The following STARD13 variants were observed in gnomAD, a reference collection of about 807,000 sequenced individuals.
The protein encoded by STARD13 is stAR-related lipid transfer protein 13.
STARD13 carries 62 observed loss-of-function variants against 106.4 expected under a neutral mutation model. The ratio of observed to expected loss-of-function variants is 0.58; its 90% CI spans 0.48 to 0.72. The LOEUF (loss-of-function observed/expected upper bound fraction) is 0.72. Among genes scored for constraint, STARD13 ranks in the 30% least tolerant of loss-of-function variants. The pLI is 0.00. For synonymous variants in STARD13, 565 were observed against 553.0 expected, an observed-to-expected ratio of 1.02 and a Z score of -0.31; for missense variants, 1,387 against 1,424.0, an observed-to-expected ratio of 0.97 and a Z score of 0.42.
intron 1 of STARD13, among the ~76,000 whole-genome samples, chr13:33,186,988 G>GATGT (rs1885825430): frequency 6.6e-6 from 1 of 152,144 alleles, no homozygotes; most frequent in South Asian, 2.1e-4. Context: ...TACCACTAAT[G>GATGT]CTGATGTCAT....
chr13:33,621,071 T>G, the STARD13 span, among the ~76,000 whole-genome samples: 1 of 151,558 alleles, frequency 6.6e-6, no homozygotes, highest in Non-Finnish European at 1.5e-5. Context: ...TCTTAAGAAG[T>G]AGAAAAAGAA....
chr13:33,240,406 C>A (rs78239872), intron 1 of STARD13, among the ~76,000 whole-genome samples: 3,414 of 152,156 alleles, frequency 0.022, 115 homozygotes, highest in African/African-American at 0.074. Context: ...ATTTTTTCTA[C>A]TTCTGCAAAA....
At chr13:33,259,876 G>C (rs74045767) in intron 1 of STARD13, among the ~76,000 whole-genome samples, 29,297 of 151,584 alleles carry the variant, frequency 0.19, 3,188 homozygotes, top group African/African-American at 0.27. Flanking sequence ...TGTCATGGGA[G>C]GGACCTGCTA....
the STARD13 span, among the ~76,000 whole-genome samples, chr13:33,640,895 G>T: frequency 1.3e-5 from 2 of 152,206 alleles, no homozygotes; most frequent in South Asian, 4.1e-4. Flanking sequence ...AAGTTCAAAG[G>T]TCACTGATAT....
chr13:33,122,343 G>A (rs558857338), intron 7 of STARD13, among the ~76,000 whole-genome samples: 6 of 152,332 alleles, frequency 3.9e-5, no homozygotes, highest in East Asian at 3.9e-4. Flanking sequence ...CCTCAGCTTC[G>A]TTATGAGGAA....
the STARD13 span, among the ~76,000 whole-genome samples, chr13:33,441,286 T>C: frequency 6.6e-6 from 1 of 152,226 alleles, no homozygotes; most frequent in East Asian, 1.9e-4. Flanking sequence ...CTTAGTCCGA[T>C]TCTAGTCTTA....
At chr13:33,396,380 G>C in the STARD13 span, among the ~76,000 whole-genome samples, 10 of 152,126 alleles carry the variant, frequency 6.6e-5, no homozygotes, top group East Asian at 1.4e-3. Flanking sequence ...TTCCTCAAAG[G>C]TTTAAAAATA....
At chr13:33,657,189 G>A in the STARD13 span, among the ~76,000 whole-genome samples, 2 of 152,198 alleles carry the variant, frequency 1.3e-5, no homozygotes, top group African/African-American at 4.8e-5. Flanking sequence ...AGAATGGTGT[G>A]AACCCGGGAG....
At chr13:33,257,772 C>A (rs1338762712) in intron 1 of STARD13, among the ~76,000 whole-genome samples, 1 of 152,104 alleles carries the variant, frequency 6.6e-6, no homozygotes, top group African/African-American at 2.4e-5. Context: ...TTAGTATTAC[C>A]AGCCTTTTCA....
chr13:33,499,571 T>TTCC, the STARD13 span, among the ~76,000 whole-genome samples: 4 of 67,726 alleles, frequency 5.9e-5, no homozygotes, highest in Admixed American at 6.8e-4. Flanking sequence ...CTTCTTCTTC[T>TTCC]TCTTCTTCTT....
intron 1 of STARD13, among the ~76,000 whole-genome samples, chr13:33,314,206 G>A (rs1893246825): frequency 6.6e-6 from 1 of 152,162 alleles, no homozygotes; most frequent in South Asian, 2.1e-4. Flanking sequence ...TATGGTAGCT[G>A]TCAGGCCAAG....
At chr13:33,406,738 C>T in the STARD13 span, among the ~76,000 whole-genome samples, 2 of 152,130 alleles carry the variant, frequency 1.3e-5, no homozygotes, top group Non-Finnish European at 2.9e-5. Context: ...AAATAACCAA[C>T]AAAAGCACAA....
At chr13:33,496,123 A>G in the STARD13 span, among the ~76,000 whole-genome samples, 1 of 138,746 alleles carries the variant, frequency 7.2e-6, no homozygotes, top group African/African-American at 2.5e-5. Flanking sequence ...TTTTATTTTT[A>G]TAATATATTT....
At chr13:33,139,501 G>A (rs1005226789) in intron 4 of STARD13, among the ~76,000 whole-genome samples, 1 of 152,214 alleles carries the variant, frequency 6.6e-6, no homozygotes, top group African/African-American at 2.4e-5. Context: ...ACCCCAGACA[G>A]TTTAGCTACT....
the STARD13 span, among the ~76,000 whole-genome samples, chr13:33,504,832 T>C: frequency 1.3e-5 from 2 of 152,218 alleles, no homozygotes; most frequent in East Asian, 1.9e-4. Context: ...CCTGAGCCAC[T>C]GTGCACTGCC....
At chr13:33,192,857 C>T (rs1886346742) in intron 1 of STARD13, among the ~76,000 whole-genome samples, 1 of 152,156 alleles carries the variant, frequency 6.6e-6, no homozygotes. Context: ...GAGATTGCAC[C>T]ACTGCACTCC....
the STARD13 span, among the ~76,000 whole-genome samples, chr13:33,372,228 C>G: frequency 1.3e-5 from 2 of 152,024 alleles, no homozygotes; most frequent in African/African-American, 4.8e-5. Flanking sequence ...AGTCAGGGGT[C>G]GAGTAAATAG....
chr13:33,587,372 A>T, the STARD13 span, among the ~76,000 whole-genome samples: 2 of 152,124 alleles, frequency 1.3e-5, no homozygotes, highest in Non-Finnish European at 1.5e-5. Context: ...CCTTTACTCT[A>T]TCTCTACTCC....
chr13:33,167,494 G>C lies in STARD13; in HGVS notation c.241+57C>G, dbSNP rs895275534. On this transcript the variant is annotated intron_variant, in intron 2 of 13. Coordinates refer to ENST00000336934, the MANE Select transcript of STARD13 (RefSeq NM_178006.4). ...GAAGTCAAAACACACCACAGGATACGTGTGGTTCATTTTGGATTTATTCTC... is the reference window on the plus strand; with the variant it reads ...GAAGTCAAAACACACCACAGGATACCTGTGGTTCATTTTGGATTTATTCTC... The C allele has an allele frequency of 4.6e-6, 7 of 1,522,274 alleles. No individual in the cohort carries two copies. In the Admixed American group the frequency reaches 1.2e-4, roughly 26 times the overall value. The allele number at this position is 1,522,274 out of a possible 1,614,324, so 94.3% of individuals were successfully genotyped here.
Sources: allele counts gnomAD v4.1 joint callset (sites outside exome capture counted in the v4.1 genomes callset), GRCh38; gene constraint gnomAD v4.1.1; transcripts MANE v1.5; gene names NCBI Gene and HGNC (gene_info 2026-07-23, HGNC 2026-07-21).